The following PLD1 variants were observed in gnomAD, a reference collection of about 807,000 sequenced individuals.
The protein encoded by PLD1 is choline phosphatase 1.
Under a neutral mutation model 137.1 loss-of-function variants are expected in PLD1, and 112 were observed. The ratio of observed to expected loss-of-function variants is 0.82; its 90% CI spans 0.70 to 0.96. The LOEUF (loss-of-function observed/expected upper bound fraction) is 0.96. Among genes scored for constraint, PLD1 ranks in the 40% least tolerant of loss-of-function variants. The pLI is 0.00. For synonymous variants in PLD1, 431 were observed against 454.7 expected, an observed-to-expected ratio of 0.95 and a Z score of 0.66; for missense variants, 1,321 against 1,342.0, an observed-to-expected ratio of 0.98 and a Z score of 0.24.
chr3:171,623,383 C>G (rs555803657), intron 23 of PLD1, among the ~76,000 whole-genome samples: 1 of 146,890 alleles, frequency 6.8e-6, no homozygotes, highest in Non-Finnish European at 1.5e-5. Context: ...GGCGTGATCT[C>G]GACTCACTGC....
rs748365196 is a variant in PLD1, at chr3:171,737,555, C to G, written c.265G>C (p.Glu89Gln). Residue 89 changes from glutamate to glutamine, a missense_variant, in exon 3 of 27, where the codon GAA (glutamate) becomes CAA (glutamine). By Grantham distance (29) the Glu-to-Gln change is conservative. Transcript: ENST00000351298. ...ACCCTTGTTGTAGATGTGAAGCGTTCCACTTCCAGAACTTGTGCTTTTATT... is the reference window on the plus strand; with the variant it reads ...ACCCTTGTTGTAGATGTGAAGCGTTGCACTTCCAGAACTTGTGCTTTTATT... ...CPIKAQVLEV[E>Q]RFTSTTRVPS... The G allele has an allele frequency of 6.2e-7, 1 of 1,611,174 alleles. No homozygotes were observed. The highest frequency in any genetic ancestry group is 8.5e-7 in the Non-Finnish European group (1 of 1,179,314).
intron 16 of PLD1, among the ~76,000 whole-genome samples, chr3:171,681,377 T>G (rs1713954529): frequency 6.6e-6 from 1 of 152,348 alleles, no homozygotes; most frequent in South Asian, 2.1e-4. Flanking sequence ...TCCAAGGATT[T>G]TGTATGAGAG....
At chr3:171,610,616 A>G (rs1732572372) in intron 25 of PLD1, among the ~76,000 whole-genome samples, 1 of 152,244 alleles carries the variant, frequency 6.6e-6, no homozygotes, top group Non-Finnish European at 1.5e-5. Flanking sequence ...AGAATTCTTA[A>G]GTTCTTACGG....
chr3:171,701,833 T>C (rs1716264047), intron 11 of PLD1, among the ~76,000 whole-genome samples: 1 of 152,182 alleles, frequency 6.6e-6, no homozygotes, highest in Non-Finnish European at 1.5e-5. Flanking sequence ...TTACTGCATG[T>C]ACCACTAAGA....
intron 23 of PLD1, among the ~76,000 whole-genome samples, chr3:171,633,067 T>C (rs574126474): frequency 6.6e-6 from 1 of 152,318 alleles, no homozygotes; most frequent in South Asian, 2.1e-4. Flanking sequence ...AGCCAGAAAG[T>C]AGACATTTTG....
chr3:171,784,922 A>G (rs983859192), intron 1 of PLD1, among the ~76,000 whole-genome samples: 2 of 152,268 alleles, frequency 1.3e-5, no homozygotes, highest in Non-Finnish European at 2.9e-5. Flanking sequence ...TGCCTGGCAT[A>G]TTATAGTCAA....
chr3:171,662,583 C>T (rs1028159051), intron 19 of PLD1, among the ~76,000 whole-genome samples: 3 of 152,170 alleles, frequency 2.0e-5, no homozygotes, highest in African/African-American at 7.2e-5. Context: ...CCCTGTTGTT[C>T]TGGTGCATTT....
intron 16 of PLD1, among the ~76,000 whole-genome samples, chr3:171,684,721 GA>G (rs1714373409): frequency 6.6e-6 from 1 of 152,126 alleles, no homozygotes; most frequent in African/African-American, 2.4e-5. Flanking sequence ...TCAGCTGCCA[GA>G]AAAGCTGGGA....
chr3:171,762,113 C>T (rs1313155720), intron 1 of PLD1, among the ~76,000 whole-genome samples: 1 of 152,216 alleles, frequency 6.6e-6, no homozygotes, highest in African/African-American at 2.4e-5. Context: ...TGGGTATCAA[C>T]CTTGTCCAAC....
chr3:171,618,856 T>C (rs1455817266), intron 24 of PLD1, among the ~76,000 whole-genome samples: 1 of 140,912 alleles, frequency 7.1e-6, no homozygotes, highest in Non-Finnish European at 1.6e-5. Flanking sequence ...AAAGTGTGTG[T>C]GCGTGTGTGT....
At chr3:171,791,006 A>T (rs978440299) in intron 1 of PLD1, among the ~76,000 whole-genome samples, 3 of 152,248 alleles carry the variant, frequency 2.0e-5, no homozygotes, top group African/African-American at 7.2e-5. Context: ...TGCTATGTAC[A>T]TAGGACACAT....
chr3:171,736,816 T>C (rs1314853358), intron 3 of PLD1, among the ~76,000 whole-genome samples: 2 of 152,146 alleles, frequency 1.3e-5, no homozygotes, highest in African/African-American at 2.4e-5. Flanking sequence ...GCAGCAATTG[T>C]CCTCCCCCGG....
At chr3:171,796,823 A>G (rs1723456327) in intron 1 of PLD1, among the ~76,000 whole-genome samples, 1 of 152,042 alleles carries the variant, frequency 6.6e-6, no homozygotes, top group Admixed American at 6.6e-5. Context: ...GATGCATCAC[A>G]TGACTGTATC....
At chr3:171,729,832 C>T (rs145709930) in intron 6 of PLD1, among the ~76,000 whole-genome samples, 157 of 152,332 alleles carry the variant, frequency 1.0e-3, no homozygotes, top group African/African-American at 3.5e-3. Flanking sequence ...ACCTACTCTT[C>T]CCCTCAAGTT....
At chr3:171,605,902 C>A (rs2108253798) in intron 25 of PLD1, among the ~76,000 whole-genome samples, 1 of 152,296 alleles carries the variant, frequency 6.6e-6, no homozygotes, top group East Asian at 1.9e-4. Context: ...TTGGAAAGAG[C>A]AATAGGAAAA....
At chr3:171,620,209 T>G (rs530720410) in intron 24 of PLD1, among the ~76,000 whole-genome samples, 177 bp downstream of exon 24, 2 of 152,236 alleles carry the variant, frequency 1.3e-5, no homozygotes, top group Non-Finnish European at 2.9e-5. Context: ...TATAACAATT[T>G]CAACAACTGG....
chr3:171,677,668 T>C lies in PLD1; in HGVS notation c.1894A>G (p.Thr632Ala). The C allele has an allele frequency of 3.7e-6, 6 of 1,614,076 alleles. No individual in the cohort carries two copies. Among genetic ancestry groups the C allele is most frequent in the South Asian group, 2.2e-5 (2 of 91,078 alleles). The change falls in exon 17 of 27, where the codon ACA becomes GCA. Residue 632 changes from threonine to alanine, a missense_variant. Thr to Ala is a moderately conservative substitution (Grantham distance 58). Transcript: ENST00000351298. ...TCCCCATGCAGCTCTCCCACACCTG[T>C]CTGTAAACTACGGATGGACCCGGTA... ...ADTGSIRSLQTGVGELHGETR... is the reference protein window; with the variant it reads ...ADTGSIRSLQAGVGELHGETR...
chr3:171,758,833 G>C (rs1721206918), intron 1 of PLD1, among the ~76,000 whole-genome samples: 1 of 152,176 alleles, frequency 6.6e-6, no homozygotes, highest in Admixed American at 6.5e-5. Context: ...CAGAGAACTG[G>C]TGACAGAAGC....
In PLD1 at chr3:171,644,983, G is replaced by A. The variant is rs769398706; in HGVS notation, c.2470C>T (p.Leu824=). 1 of 1,613,946 alleles carries A rather than the reference G, an allele frequency of 6.2e-7. No homozygotes were observed. Among genetic ancestry groups the A allele is most frequent in the Admixed American group, 1.7e-5 (1 of 60,022 alleles). Reference sequence around the variant, plus strand: ...GAAATGTCTCCTTCGAACCCTGGCAGAAGTGGTATCACGACATATACCCGG... The same window carrying A: ...GAAATGTCTCCTTCGAACCCTGGCAAAAGTGGTATCACGACATATACCCGG... ...KYRVYVVIPL[L]PGFEGDISTG... is the part of the protein sequence containing the mutation. Residue 824 remains leucine (L), a synonymous_variant, in exon 22 of 27, where the codon CTG becomes TTG. Transcript: ENST00000351298.
Sources: allele counts gnomAD v4.1 joint callset (sites outside exome capture counted in the v4.1 genomes callset), GRCh38; gene constraint gnomAD v4.1.1; transcripts MANE v1.5; gene names NCBI Gene and HGNC (gene_info 2026-07-23, HGNC 2026-07-21).